The following ZNF536 variants were observed in gnomAD, a reference collection of about 807,000 sequenced individuals.
The protein encoded by ZNF536 is zinc finger protein 536.
ZNF536 carries 13 observed loss-of-function variants against 84.5 expected under a neutral mutation model. The observed-to-expected ratio is 0.15, with a 90% CI of 0.10 to 0.24. The LOEUF is 0.24. ZNF536 is among the 10% of genes least tolerant of loss of function. The pLI is 1.00. For synonymous variants in ZNF536, 811 were observed against 742.5 expected, an observed-to-expected ratio of 1.09 and a Z score of -1.50; for missense variants, 1,536 against 1,747.5, an observed-to-expected ratio of 0.88 and a Z score of 2.16.
intron 1 of ZNF536, among the ~76,000 whole-genome samples, chr19:30,416,265 T>A (rs867283275): frequency 2.0e-5 from 3 of 150,696 alleles, no homozygotes; most frequent in African/African-American, 7.3e-5. Flanking sequence ...TAGAATTTTT[T>A]ATTAAATTAT....
At chr19:30,232,832 C>G (rs906858249) in intron 1 of ZNF536, among the ~76,000 whole-genome samples, 1 of 152,150 alleles carries the variant, frequency 6.6e-6, no homozygotes, top group African/African-American at 2.4e-5. Flanking sequence ...TTGGGAGCGT[C>G]CCCAGCTTCT....
intron 2 of ZNF536, among the ~76,000 whole-genome samples, chr19:30,450,205 C>T (rs755170381): frequency 3.3e-5 from 5 of 151,618 alleles, no homozygotes; most frequent in Middle Eastern, 3.2e-3. Context: ...TGTTGCCGAG[C>T]GAACAGCAGA....
intron 1 of ZNF536, among the ~76,000 whole-genome samples, chr19:30,442,054 T>G (rs548426602): frequency 6.6e-6 from 1 of 152,378 alleles, no homozygotes; most frequent in African/African-American, 2.4e-5. Context: ...GCGCAGCTCC[T>G]GGACCACCTG....
chr19:30,291,875 A>G (rs972261291), intron 2 of ZNF536, among the ~76,000 whole-genome samples: 2 of 152,236 alleles, frequency 1.3e-5, no homozygotes, highest in African/African-American at 4.8e-5. Flanking sequence ...GAAAAAAATC[A>G]AAAGAAAAAT....
At chr19:30,625,503 G>A (rs1170538307) in intron 1 of ZNF536, among the ~76,000 whole-genome samples, 1 of 152,248 alleles carries the variant, frequency 6.6e-6, no homozygotes, top group Non-Finnish European at 1.5e-5. Context: ...CCAGAAGGTT[G>A]ATATTATTTG....
chr19:30,277,529 C>T (rs1450185120), intron 1 of ZNF536, among the ~76,000 whole-genome samples: 4 of 152,174 alleles, frequency 2.6e-5, no homozygotes, highest in Non-Finnish European at 4.4e-5. Flanking sequence ...CCTTTGGAAG[C>T]GTGTCTGGGC....
chr19:30,491,675 A>G (rs1177720414), intron 2 of ZNF536, among the ~76,000 whole-genome samples: 6 of 152,168 alleles, frequency 3.9e-5, no homozygotes, highest in African/African-American at 1.4e-4. Flanking sequence ...CTAACAAAAA[A>G]TTCTTTTGAA....
intron 2 of ZNF536, among the ~76,000 whole-genome samples, chr19:30,512,509 C>T (rs1433815361): frequency 6.6e-6 from 1 of 151,924 alleles, no homozygotes; most frequent in Non-Finnish European, 1.5e-5. Context: ...AAAACAGACC[C>T]CTGTCCAAGC....
chr19:30,318,589 G>A (rs972015145), intron 2 of ZNF536, among the ~76,000 whole-genome samples: 3 of 152,378 alleles, frequency 2.0e-5, no homozygotes, highest in African/African-American at 7.2e-5. Context: ...CTGACTCTGT[G>A]TGCAGGCTAC....
At chr19:30,503,820 C>T (rs2145370610) in intron 2 of ZNF536, among the ~76,000 whole-genome samples, 1 of 152,226 alleles carries the variant, frequency 6.6e-6, no homozygotes, top group South Asian at 2.1e-4. Context: ...CCCCTCTTTG[C>T]AGGCCACCTG....
chr19:30,261,874 C>T (rs1408591120), intron 1 of ZNF536, among the ~76,000 whole-genome samples: 1 of 152,034 alleles, frequency 6.6e-6, no homozygotes, highest in African/African-American at 2.4e-5. Context: ...CCTGAACCTC[C>T]TTGGCCATCC....
chr19:30,249,380 GGGA>G (rs1451688827), intron 1 of ZNF536, among the ~76,000 whole-genome samples: 11 of 150,396 alleles, frequency 7.3e-5, no homozygotes, highest in South Asian at 2.1e-4. Flanking sequence ...AAGGAGGAGG[GGGA>G]GGAGGAGGAG....
At chr19:30,574,869 C>T (rs1214516909) in intron 1 of ZNF536, among the ~76,000 whole-genome samples, 2 of 152,148 alleles carry the variant, frequency 1.3e-5, no homozygotes, top group Non-Finnish European at 2.9e-5. Context: ...AAATCCTATT[C>T]GATTTTTTTT....
At chr19:30,703,940 G>T (rs2052108624) in intron 1 of ZNF536, among the ~76,000 whole-genome samples, 1 of 152,218 alleles carries the variant, frequency 6.6e-6, no homozygotes, top group Admixed American at 6.5e-5. Flanking sequence ...CAGGGTGCTA[G>T]TAGCTTAGCA....
chr19:30,687,985 A>T (rs1388476243), intron 1 of ZNF536, among the ~76,000 whole-genome samples: 1 of 149,314 alleles, frequency 6.7e-6, no homozygotes. Context: ...TTTATTTTTT[A>T]AAAAAGAGCA....
At chr19:30,655,642 G>C (rs887606349) in intron 1 of ZNF536, among the ~76,000 whole-genome samples, 4 of 152,208 alleles carry the variant, frequency 2.6e-5, no homozygotes, top group Non-Finnish European at 4.4e-5. Flanking sequence ...TGCAAAGATG[G>C]GGAGGGTTTG....
At chr19:30,240,620 A>G (rs2023876566) in intron 1 of ZNF536, among the ~76,000 whole-genome samples, 1 of 152,166 alleles carries the variant, frequency 6.6e-6, no homozygotes, top group African/African-American at 2.4e-5. Flanking sequence ...GACAATACCT[A>G]GCTTTCTAGG....
At chr19:30,328,187 C>A (rs1170762239) in intron 2 of ZNF536, among the ~76,000 whole-genome samples, 1 of 152,060 alleles carries the variant, frequency 6.6e-6, no homozygotes, top group Non-Finnish European at 1.5e-5. Flanking sequence ...TGCAGAACTC[C>A]CCAGGGGAGG....
intron 1 of ZNF536, among the ~76,000 whole-genome samples, chr19:30,432,884 T>C (rs2051539742): frequency 6.6e-6 from 1 of 152,182 alleles, no homozygotes; most frequent in African/African-American, 2.4e-5. Context: ...GCTGACTGGA[T>C]AGTCTTAGGA....
Sources: allele counts gnomAD v4.1 joint callset (sites outside exome capture counted in the v4.1 genomes callset), GRCh38; gene constraint gnomAD v4.1.1; transcripts MANE v1.5; gene names NCBI Gene and HGNC (gene_info 2026-07-23, HGNC 2026-07-21).